AMOTL1: variants seen among roughly 807,000 people sequenced by gnomAD.
AMOTL1 encodes angiomotin like 1.
A neutral mutation model predicts 102.9 loss-of-function variants in AMOTL1; 45 were observed. The observed-to-expected ratio is 0.44, with a 90% CI of 0.34 to 0.56. The LOEUF (loss-of-function observed/expected upper bound fraction) is 0.56. Among genes scored for constraint, AMOTL1 ranks in the 20% least tolerant of loss-of-function variants. The pLI is 0.01. For missense variants in AMOTL1, 1,114 were observed against 1,225.6 expected, an observed-to-expected ratio of 0.91 and a Z score of 1.36; for synonymous variants, 481 against 484.7, an observed-to-expected ratio of 0.99 and a Z score of 0.10.
Position 94,770,058 on chromosome 11 carries a change from A to G in AMOTL1, c.49+1498A>G, listed in dbSNP as rs866845790. Among the ~76,000 whole-genome samples, 6 of 152,196 alleles carry G rather than the reference A, an allele frequency of 3.9e-5. No individual in the cohort carries two copies. In the South Asian group the frequency reaches 1.2e-3, roughly 32 times the overall value. ...TCAAGGCTTGAAATATTAAACAATC[A>G]TGGCTCCCTGCTTCCAAAACTGGCC... On this transcript the variant is annotated intron_variant, in intron 1 of 12. Transcript: ENST00000433060.
Position 94,869,352 on chromosome 11 carries a change from G to A in AMOTL1, c.2643G>A (p.Lys881=), listed in dbSNP as rs770444559. ...GSKDSSTQTD[K]SAELFWPSMA... ...AGGACAGCAGCACACAGACTGACAAGAGTGCCGAGCTCTTCTGGCCCAGCA... is the reference window on the plus strand; with the variant it reads ...AGGACAGCAGCACACAGACTGACAAAAGTGCCGAGCTCTTCTGGCCCAGCA... Residue 881 remains lysine (K), a synonymous_variant, in exon 12 of 13, where the codon AAG becomes AAA. Coordinates refer to ENST00000433060, the MANE Select transcript of AMOTL1 (RefSeq NM_130847.3). 1.2e-5 allele frequency: 19 copies of A among 1,611,204 alleles called. No individual in the cohort carries two copies. In the South Asian group the frequency reaches 1.9e-4, roughly 16 times the overall value.
At chr11:94,772,534 T>C (rs954250320) in intron 1 of AMOTL1, among the ~76,000 whole-genome samples, 2 of 152,222 alleles carry the variant, frequency 1.3e-5, no homozygotes, top group Non-Finnish European at 2.9e-5. Flanking sequence ...TCCATCCAAA[T>C]TTTTGCATCT....
At chr11:94,819,733 ACCT>A (rs1285297557) in intron 3 of AMOTL1, among the ~76,000 whole-genome samples, 4 of 152,124 alleles carry the variant, frequency 2.6e-5, no homozygotes, top group Non-Finnish European at 5.9e-5. Flanking sequence ...TGTGGTCATG[ACCT>A]CCTGAGGCTG....
intron 4 of AMOTL1, 63 bp downstream of exon 4, chr11:94,821,884 T>G (rs1438989396): frequency 1.9e-6 from 3 of 1,575,236 alleles, no homozygotes; most frequent in Non-Finnish European, 1.7e-6. Flanking sequence ...GGGGAGTTGA[T>G]GCACTGACTG....
Position 94,800,229 on chromosome 11 carries a change from A to G in AMOTL1, c.1039A>G (p.Lys347Glu). 1 of 1,614,032 alleles carries G rather than the reference A, an allele frequency of 6.2e-7. No homozygotes were observed. Among genetic ancestry groups the G allele is most frequent in the Admixed American group, 1.7e-5 (1 of 60,028 alleles). Residue 347 changes from lysine (K) to glutamate (E), a missense_variant, in exon 3 of 13, where the codon AAG becomes GAG. Physicochemically the swap from Lys to Glu is moderately conservative, Grantham distance 56. Coordinates refer to ENST00000433060, the MANE Select transcript of AMOTL1 (RefSeq NM_130847.3). ...CCCCGGGATGCTCCACGAGATGGTC[A>G]AGCCCTACCCTGCTCCTCAGCCTGT... ...QHPGMLHEMV[K>E]PYPAPQPVRT...
At position 94,809,191 on chromosome 11, in the gene AMOTL1, G is replaced by A. The variant is rs562244050; in HGVS notation, c.1121+8880G>A. ...TTACCATGTTGATCAGGCTGGTCTC[G>A]AACTCCTGACCTCAAGTGATCCACC... On this transcript the variant is annotated intron_variant, in intron 3 of 12. Coordinates refer to ENST00000433060, the MANE Select transcript of AMOTL1 (RefSeq NM_130847.3). Among the ~76,000 whole-genome samples, 6 of 152,008 alleles carry A rather than the reference G, an allele frequency of 3.9e-5. No individual in the cohort carries two copies. In the South Asian group the frequency reaches 1.2e-3, roughly 32 times the overall value.
chr11:94,809,550 A>G (rs1008585885), intron 3 of AMOTL1, among the ~76,000 whole-genome samples: 2 of 152,204 alleles, frequency 1.3e-5, no homozygotes, highest in African/African-American at 4.8e-5. Flanking sequence ...TTCTTAGCTC[A>G]TGGTCTCCGA....
At chr11:94,729,138 G>T in intron 2 of AMOTL1, 1 of 1,005,688 alleles carries the variant, frequency 9.9e-7, no homozygotes, top group Non-Finnish European at 1.4e-6. Flanking sequence ...TACTCAGTAC[G>T]TGCCCACGCT....
chr11:94,853,977 G>A lies in AMOTL1; in HGVS notation c.1839G>A (p.Gln613=), dbSNP rs1411732034. 1 of 1,606,308 alleles carries A rather than the reference G, an allele frequency of 6.2e-7. No individual in the cohort carries two copies. Among genetic ancestry groups the A allele is most frequent in the Non-Finnish European group, 8.5e-7 (1 of 1,176,080 alleles). Residue 613 remains glutamine, a synonymous_variant, in exon 8 of 13, where the codon CAG becomes CAA. Coordinates refer to ENST00000433060, the MANE Select transcript of AMOTL1 (RefSeq NM_130847.3). The stretch of plus-strand genomic sequence containing the variant: ...ATGTTGAGAAAGTTGAGAAGCTGCA[G>A]CAGGCCCTGACCCAGCTGCAGTCTG... ...QAYVEKVEKL[Q]QALTQLQSAC... is the part of the protein sequence containing the mutation.
rs143325012 is a variant in AMOTL1 at position 94,773,281 on chromosome 11, G to C, written c.49+4721G>C. Among the ~76,000 whole-genome samples the C allele has an allele frequency of 5.3e-3, 814 of 152,258 alleles. 11 individuals are homozygous for C. The highest frequency in any genetic ancestry group is 0.019 in the African/African-American group (773 of 41,528). The stretch of plus-strand genomic sequence containing the variant: ...ATGGTGCATTTAGTGTCACATCTAA[G>C]AACATTTTGCCTAGACCCATGTCTC... On this transcript the variant is annotated intron_variant, in intron 1 of 12. Coordinates refer to ENST00000433060, the MANE Select transcript of AMOTL1 (RefSeq NM_130847.3).
chr11:94,761,704 G>C (rs550031961), intron 3 of AMOTL1, among the ~76,000 whole-genome samples: 2 of 152,180 alleles, frequency 1.3e-5, no homozygotes, highest in South Asian at 4.1e-4. Flanking sequence ...CTCACTTTGA[G>C]TTTATGCTGT....
chr11:94,717,967 C>T (rs970123630), intron 1 of AMOTL1, among the ~76,000 whole-genome samples: 8 of 151,824 alleles, frequency 5.3e-5, no homozygotes, highest in African/African-American at 1.9e-4. Context: ...AACTTTCTTC[C>T]TCTCATTATT....
intron 3 of AMOTL1, among the ~76,000 whole-genome samples, chr11:94,745,380 CT>C (rs1435812705): frequency 6.6e-6 from 1 of 151,810 alleles, no homozygotes; most frequent in Non-Finnish European, 1.5e-5. Context: ...AAGCTAAGGA[CT>C]TTCAGCCACC....
intron 8 of AMOTL1, among the ~76,000 whole-genome samples, chr11:94,855,041 C>A (rs969418697): frequency 6.6e-6 from 1 of 152,170 alleles, no homozygotes; most frequent in African/African-American, 2.4e-5. Flanking sequence ...ATGAGCCTGT[C>A]CACCATCACC....
Position 94,821,548 on chromosome 11 carries a change from G to T in AMOTL1, c.1140G>T (p.Pro380=), listed in dbSNP as rs369840021. ...CTTGCAGCCGCCCATGCCAACTTCC[G>T]TTCCCATCAACCATGCAGCAGCACA... is the stretch of plus-strand genomic sequence containing the variant. ...YGVTSRPCQL[P]FPSTMQQHSP... The change falls in exon 4 of 13, where the codon CCG becomes CCT. Residue 380 remains proline (P), a synonymous_variant. Coordinates refer to ENST00000433060, the MANE Select transcript of AMOTL1 (RefSeq NM_130847.3). 4 of 1,613,446 alleles carry T rather than the reference G, an allele frequency of 2.5e-6. No individual in the cohort carries two copies. Among genetic ancestry groups the T allele is most frequent in the Admixed American group, 1.7e-5 (1 of 59,976 alleles).
At chr11:94,741,128 T>G in intron 3 of AMOTL1, 1 of 659,788 alleles carries the variant, frequency 1.5e-6, no homozygotes, top group South Asian at 1.6e-5. Context: ...GGACACCTGC[T>G]GCCTTCGCGG....
chr11:94,795,063 C>G lies in AMOTL1; in HGVS notation c.102C>G (p.Asp34Glu). 6.2e-7 allele frequency: 1 copy of G among 1,613,860 alleles called. No homozygotes were observed. Residue 34 changes from aspartate to glutamate, a missense_variant, in exon 2 of 13, where the codon GAC becomes GAG. Asp to Glu is a conservative substitution (Grantham distance 45). Transcript: ENST00000433060. ...SPSSPVQVLE[D>E]STYFSPDFQL... ...GTAGTCCTGTCCAGGTTCTAGAAGA[C>G]TCCACCTACTTTTCCCCAGACTTTC...
rs544884626 is a variant in AMOTL1, at chr11:94,739,956, A to G, written c.86-982A>G. On this transcript the variant is annotated intron_variant, in intron 2 of 4. Transcript: ENST00000299004. ...CATTGCTTCTACATTCTGTATTTGA[A>G]AGCAGTCAATCTTTTATAGAGTAGA... Among the ~76,000 whole-genome samples the G allele has an allele frequency of 7.9e-5, 12 of 152,280 alleles. No individual in the cohort carries two copies. In the East Asian group the frequency reaches 2.3e-3, roughly 30 times the overall value.
At chr11:94,818,000 G>A (rs1035720152) in intron 3 of AMOTL1, among the ~76,000 whole-genome samples, 2 of 152,156 alleles carry the variant, frequency 1.3e-5, no homozygotes, top group Middle Eastern at 3.2e-3. Flanking sequence ...AGCAAAATCT[G>A]AAGCATATAT....
Sources: allele counts gnomAD v4.1 joint callset (sites outside exome capture counted in the v4.1 genomes callset), GRCh38; gene constraint gnomAD v4.1.1; transcripts MANE v1.5; gene names NCBI Gene and HGNC (gene_info 2026-07-23, HGNC 2026-07-21).